Variants in OXR1 observed in about 807,000 individuals in gnomAD.
The protein encoded by OXR1 is oxidation resistance protein 1.
OXR1 carries 41 observed loss-of-function variants against 104.6 expected under a neutral mutation model. The observed-to-expected ratio is 0.39, with a 90% confidence interval of 0.31 to 0.51. The LOEUF is 0.51. Among genes scored for constraint, OXR1 ranks in the 20% least tolerant of loss-of-function variants. OXR1 has a pLI of 0.77. For synonymous variants in OXR1, 348 were observed against 348.4 expected (o/e 1.00, Z 0.01); for missense variants, 955 against 1,031.9 (o/e 0.93, Z 1.02).
chr8:106,475,233 C>T (rs1563546757), intron 2 of OXR1, among the ~76,000 whole-genome samples: 1 of 151,830 alleles, frequency 6.6e-6, no homozygotes, highest in South Asian at 2.1e-4. Flanking sequence ...CATAAATAGT[C>T]CATTACCACA....
At chr8:106,589,886 TA>T (rs1818942338) in intron 3 of OXR1, among the ~76,000 whole-genome samples, 1 of 152,096 alleles carries the variant, frequency 6.6e-6, no homozygotes, top group South Asian at 2.1e-4. Context: ...AGGCTGGTCT[TA>T]AACTCCCAAC....
intron 2 of OXR1, among the ~76,000 whole-genome samples, chr8:106,391,333 A>T (rs1047866193): frequency 2.0e-4 from 30 of 152,214 alleles, no homozygotes; most frequent in African/African-American, 7.0e-4. Flanking sequence ...TTAATATCCA[A>T]TGTGAAATTT....
chr8:106,309,331 A>G (rs975193601), intron 1 of OXR1, among the ~76,000 whole-genome samples: 2 of 152,186 alleles, frequency 1.3e-5, no homozygotes, highest in Non-Finnish European at 2.9e-5. Flanking sequence ...TCAATTCTGT[A>G]CTAATCATAG....
chr8:106,503,789 A>T (rs922293063), intron 2 of OXR1, among the ~76,000 whole-genome samples: 2 of 152,106 alleles, frequency 1.3e-5, no homozygotes, highest in Non-Finnish European at 2.9e-5. Context: ...AGAGTCTTGG[A>T]TCTTGTCCAG....
chr8:106,679,183 A>G (rs1188750136), intron 3 of OXR1, 27 bp from the exon 4 acceptor site: 1 of 1,365,694 alleles, frequency 7.3e-7, no homozygotes, highest in Non-Finnish European at 1.0e-6. Context: ...AGATGAATTT[A>G]ATAGGAATTT....
intron 1 of OXR1, among the ~76,000 whole-genome samples, chr8:106,292,496 A>G (rs1173282364): frequency 6.6e-6 from 1 of 152,196 alleles, no homozygotes; most frequent in African/African-American, 2.4e-5. Context: ...TTATGGATGG[A>G]AACCATGAAT....
At chr8:106,470,518 A>G (rs1466409104) in intron 2 of OXR1, among the ~76,000 whole-genome samples, 3 of 151,800 alleles carry the variant, frequency 2.0e-5, no homozygotes, top group Non-Finnish European at 4.4e-5. Context: ...ATAAAAGTTT[A>G]GTTTGGACAT....
chr8:106,348,691 C>T (rs531158241), intron 1 of OXR1, among the ~76,000 whole-genome samples: 1 of 151,936 alleles, frequency 6.6e-6, no homozygotes, highest in African/African-American at 2.4e-5. Context: ...TTAGTGCTAC[C>T]CTTGAGTACA....
chr8:106,744,408 A>G (rs1056545776), intron 15 of OXR1, among the ~76,000 whole-genome samples: 5 of 152,188 alleles, frequency 3.3e-5, no homozygotes, highest in Non-Finnish European at 5.9e-5. Context: ...AATGAGGATC[A>G]TTTATATATA....
intron 3 of OXR1, among the ~76,000 whole-genome samples, chr8:106,545,878 CCCTGCTACT>C (rs1815316387): frequency 6.6e-6 from 1 of 151,944 alleles, no homozygotes; most frequent in Non-Finnish European, 1.5e-5. Context: ...CAGCTGTAGT[CCCTGCTACT>C]CCGGAGGCTA....
At chr8:106,604,885 T>C (rs1044153711) in intron 3 of OXR1, 3 of 152,206 alleles carry the variant, frequency 2.0e-5, no homozygotes, top group African/African-American at 7.2e-5. Flanking sequence ...AGCCTGTAAG[T>C]GTGTTTGTGT....
intron 3 of OXR1, among the ~76,000 whole-genome samples, chr8:106,580,004 T>G (rs895921002): frequency 1.3e-5 from 2 of 152,258 alleles, no homozygotes; most frequent in Admixed American, 1.3e-4. Flanking sequence ...AGCATACTGA[T>G]GGCCAGCATT....
At chr8:106,409,065 C>T (rs1818359605) in intron 2 of OXR1, among the ~76,000 whole-genome samples, 1 of 152,100 alleles carries the variant, frequency 6.6e-6, no homozygotes, top group South Asian at 2.1e-4. Flanking sequence ...GAATAGCTGC[C>T]TTCAGCTATT....
Position 106,579,179 on chromosome 8 carries a change from C to G in OXR1, c.220+60040C>G, listed in dbSNP as rs80222903. On this transcript the variant is annotated intron_variant, in intron 3 of 16. Coordinates refer to ENST00000517566, the MANE Select transcript of OXR1 (RefSeq NM_001198533.2). Reference sequence around the variant, plus strand: ...GGCTTGCCTTGGGCCACATTTCTGGCTTACAGTTTGGGTTTCATTGTAATT... The same window carrying G: ...GGCTTGCCTTGGGCCACATTTCTGGGTTACAGTTTGGGTTTCATTGTAATT... 4.9e-3 allele frequency among the ~76,000 whole-genome samples: 749 copies of G among 152,170 alleles called. 2 individuals carry two copies. Among genetic ancestry groups the G allele is most frequent in the African/African-American group, 0.017 (707 of 41,510 alleles).
intron 2 of OXR1, among the ~76,000 whole-genome samples, chr8:106,463,515 A>C (rs985798327): frequency 1.3e-4 from 20 of 152,236 alleles, no homozygotes; most frequent in African/African-American, 4.8e-4. Flanking sequence ...TTGGAGTTCC[A>C]GAATCATTAT....
In OXR1 at chr8:106,667,341, A is replaced by G. The variant is rs116411370; in HGVS notation, c.221-11869A>G. 2.6e-3 allele frequency among the ~76,000 whole-genome samples: 402 copies of G among 152,298 alleles called. 2 individuals are homozygous for G. Among genetic ancestry groups the G allele is most frequent in the African/African-American group, 9.2e-3 (384 of 41,554 alleles). Reference sequence around the variant, plus strand: ...TTCCTTAATGATATTTCTCTCAATCAAACTCTTGCTGAATTTAGCAGGTTA... The same window carrying G: ...TTCCTTAATGATATTTCTCTCAATCGAACTCTTGCTGAATTTAGCAGGTTA... On this transcript the variant is annotated intron_variant, in intron 3 of 16. Transcript: ENST00000517566.
At chr8:106,368,928 T>C (rs111567544) in intron 2 of OXR1, among the ~76,000 whole-genome samples, 7,109 of 152,258 alleles carry the variant, frequency 0.047, 511 homozygotes, top group African/African-American at 0.16. Flanking sequence ...GTAATGGGAT[T>C]GCTGGGTCAA....
At chr8:106,434,150 A>G (rs975758633) in intron 2 of OXR1, among the ~76,000 whole-genome samples, 17 of 150,420 alleles carry the variant, frequency 1.1e-4, no homozygotes, top group African/African-American at 3.7e-4. Flanking sequence ...CCTAAAAAAA[A>G]CTAGAAAATA....
intron 3 of OXR1, among the ~76,000 whole-genome samples, chr8:106,572,574 G>A (rs185753566): frequency 7.5e-4 from 114 of 152,226 alleles, no homozygotes; most frequent in African/African-American, 2.6e-3. Flanking sequence ...TGGAAATCTC[G>A]TCTGCTGAAC....
Sources: allele counts gnomAD v4.1 joint callset (sites outside exome capture counted in the v4.1 genomes callset), GRCh38; gene constraint gnomAD v4.1.1; transcripts MANE v1.5; gene names NCBI Gene and HGNC (gene_info 2026-07-23, HGNC 2026-07-21).